Variants in ACACB observed in about 807,000 individuals in gnomAD.
The protein encoded by ACACB is acetyl-CoA carboxylase 2.
Under a neutral mutation model 278.8 loss-of-function variants are expected in ACACB, and 209 were observed. That is an observed-to-expected ratio of 0.75 (90% CI 0.67 to 0.84). The LOEUF is 0.84. ACACB is among the 40% of genes least tolerant of loss of function. The pLI is 0.00. For missense variants in ACACB, 2,850 were observed against 3,269.0 expected, an observed-to-expected ratio of 0.87 and a Z score of 3.13; for synonymous variants, 1,174 against 1,285.6, an observed-to-expected ratio of 0.91 and a Z score of 1.86.
rs1165950402 is a variant in ACACB at position 109,210,135 on chromosome 12, G to GTATATA, written c.3249+784_3249+789dup. Reference sequence around the variant, plus strand: ...TATATATACACGTACATGTATGTGTGTATATATGTATATATACACACGTGT... The same window carrying GTATATA: ...TATATATACACGTACATGTATGTGTGTATATATATATATGTATATATACACACGTGT... On this transcript the variant is annotated intron_variant, in intron 21 of 52. Transcript: ENST00000338432. Among the ~76,000 whole-genome samples, 16 of 65,520 alleles carry GTATATA rather than the reference G, an allele frequency of 2.4e-4. 4 individuals carry two copies. The highest frequency in any genetic ancestry group is 1.4e-3 in the Admixed American group (9 of 6,544). 43.0% of individuals were successfully genotyped at this position (65,520 alleles called of 152,430 possible).
Position 109,266,744 on chromosome 12 carries a change from T to C in ACACB, c.*382T>C, listed in dbSNP as rs529468760. On this transcript the variant is annotated 3_prime_UTR_variant, in exon 53 of 53. Coordinates refer to ENST00000338432, the MANE Select transcript of ACACB (RefSeq NM_001093.4). Reference sequence around the variant, plus strand: ...CGTGAAATCTTTTATTTTTTTACTCTGAGACCAGCACCAGATGTAAGTAAG... The same window carrying C: ...CGTGAAATCTTTTATTTTTTTACTCCGAGACCAGCACCAGATGTAAGTAAG... 6.4e-6 allele frequency: 1 copy of C among 155,498 alleles called. No homozygotes were observed. Among genetic ancestry groups the C allele is most frequent in the African/African-American group, 2.4e-5 (1 of 41,530 alleles). 9.6% of individuals were successfully genotyped at this position (155,498 alleles called of 1,614,324 possible).
At chr12:109,198,612 C>T (rs1260360004) in intron 17 of ACACB, among the ~76,000 whole-genome samples, 1 of 151,890 alleles carries the variant, frequency 6.6e-6, no homozygotes, top group African/African-American at 2.4e-5. Flanking sequence ...GGGAGGATCA[C>T]CTGACCCCAG....
chr12:109,172,703 T>TAA (rs1170004781), intron 6 of ACACB, among the ~76,000 whole-genome samples: 2 of 152,192 alleles, frequency 1.3e-5, no homozygotes, highest in Admixed American at 1.3e-4. Flanking sequence ...AGGGAACGCT[T>TAA]ATGCACTGTT....
intron 12 of ACACB, 88 bp downstream of exon 12, chr12:109,185,828 A>G (rs1368067652): frequency 2.0e-5 from 27 of 1,358,562 alleles, no homozygotes; most frequent in Non-Finnish European, 2.5e-5. Flanking sequence ...AGAGACACCC[A>G]CAAGCTATCC....
In ACACB at chr12:109,237,394, G is replaced by C. The variant is rs776866621; in HGVS notation, c.4662+14G>C. 2 of 1,607,874 alleles carry C rather than the reference G, an allele frequency of 1.2e-6. No homozygotes were observed. Among genetic ancestry groups the C allele is most frequent in the South Asian group, 2.2e-5 (2 of 90,276 alleles). On this transcript the variant is annotated intron_variant, in intron 34 of 52. Transcript: ENST00000338432. ...CTGATCACAAAGGTAAGATGTCGCA[G>C]AGCATTTCTTCCTCTCTCAGAACCT...
At chr12:109,157,081 A>G (rs916600660) in intron 2 of ACACB, among the ~76,000 whole-genome samples, 2 of 152,082 alleles carry the variant, frequency 1.3e-5, no homozygotes, top group South Asian at 4.1e-4. Context: ...CCTATTTATA[A>G]TAATATGGAC....
At chr12:109,236,535 TG>T (rs1390454187) in intron 33 of ACACB, among the ~76,000 whole-genome samples, 1 of 152,142 alleles carries the variant, frequency 6.6e-6, no homozygotes, top group African/African-American at 2.4e-5. Context: ...GTAGCAGAAT[TG>T]AGTAGTTGTG....
chr12:109,139,153 T>C (rs1243687491), intron 1 of ACACB, among the ~76,000 whole-genome samples: 1 of 152,182 alleles, frequency 6.6e-6, no homozygotes, highest in Non-Finnish European at 1.5e-5. Flanking sequence ...TGTGATTGGC[T>C]TCTTTAACTT....
chr12:109,259,954 G>GT, intron 47 of ACACB: 2 of 717,742 alleles, frequency 2.8e-6, no homozygotes, highest in Non-Finnish European at 4.3e-6. Context: ...GTAAAAGGGG[G>GT]TTAAGAACAG....
intron 26 of ACACB, among the ~76,000 whole-genome samples, chr12:109,223,320 G>A (rs528551811): frequency 1.1e-4 from 17 of 152,234 alleles, no homozygotes; most frequent in Non-Finnish European, 1.9e-4. Flanking sequence ...CCCAGGTGCC[G>A]TCATCCCGGA....
Position 109,252,121 on chromosome 12 carries a change from C to T in ACACB, c.5866C>T (p.His1956Tyr), listed in dbSNP as rs768497415. 9.9e-6 allele frequency: 16 copies of T among 1,613,198 alleles called. No homozygotes were observed. The highest frequency in any genetic ancestry group is 1.3e-5 in the African/African-American group (1 of 75,002). Residue 1956 changes from histidine to tyrosine, a missense_variant, in exon 42 of 53, where the codon CAC becomes TAC. By Grantham distance (83) the His-to-Tyr change is moderately conservative (BLOSUM62 2). Transcript: ENST00000338432. The stretch of plus-strand genomic sequence containing the variant: ...GCGAGTGATCCAGGTGGAGAATTCC[C>T]ACATCATCCTCACAGGAGCAAGTGC... ...GQRVIQVENS[H>Y]IILTGASALN...
chr12:109,182,207 C>T (rs1460833168), intron 11 of ACACB, among the ~76,000 whole-genome samples: 1 of 152,166 alleles, frequency 6.6e-6, no homozygotes, highest in Non-Finnish European at 1.5e-5. Flanking sequence ...GACAATGTCT[C>T]ATTGTGGTTT....
intron 47 of ACACB, 130 bp downstream of exon 47, chr12:109,259,238 G>A: frequency 2.5e-6 from 3 of 1,194,982 alleles, no homozygotes; most frequent in Non-Finnish European, 3.5e-6. Flanking sequence ...CAACAACCCT[G>A]AGGAGAAAAT....
At position 109,140,244 on chromosome 12, in the gene ACACB, T is replaced by TCCA. The variant is rs1565857274; in HGVS notation, c.653+186_653+187insCCA. On this transcript the variant is annotated intron_variant, in intron 2 of 52. Transcript: ENST00000338432. ...CTTCCTTCCTTCCTTCCTTCCTTCC[T>TCCA]TCCTTCCTTCCATCCTTCCTTCCTT... Among the ~76,000 whole-genome samples, 115 of 136,716 alleles carry TCCA rather than the reference T, an allele frequency of 8.4e-4. 8 individuals carry two copies. The highest frequency in any genetic ancestry group is 2.8e-3 in the African/African-American group (105 of 37,090). 89.7% of individuals were successfully genotyped at this position (136,716 alleles called of 152,430 possible). A position where few individuals can be genotyped will look rare whatever the true frequency, so the allele number is the denominator to read the frequency against.
At chr12:109,135,505 C>T (rs973723778) in intron 1 of ACACB, among the ~76,000 whole-genome samples, 10 of 151,750 alleles carry the variant, frequency 6.6e-5, no homozygotes, top group African/African-American at 2.4e-4. Flanking sequence ...CTATGATTCA[C>T]GAAAGCTTTT....
chr12:109,243,877 T>TTATA (rs145125502), intron 37 of ACACB, among the ~76,000 whole-genome samples: 7 of 146,926 alleles, frequency 4.8e-5, no homozygotes, highest in Admixed American at 1.4e-4. Flanking sequence ...TGGAATGACA[T>TTATA]TATATATATA....
intron 49 of ACACB, chr12:109,263,199 CAG>C (rs2047429407): frequency 6.6e-6 from 1 of 151,298 alleles, no homozygotes; most frequent in Middle Eastern, 3.2e-3. Flanking sequence ...ATTTTTGAGA[CAG>C]AGTCTTGCTC....
chr12:109,245,767 C>T lies in ACACB; in HGVS notation c.5301+19C>T. 2 of 1,612,594 alleles carry T rather than the reference C, an allele frequency of 1.2e-6. No individual in the cohort carries two copies. The highest frequency in any genetic ancestry group is 1.7e-6 in the Non-Finnish European group (2 of 1,179,486). On this transcript the variant is annotated intron_variant, in intron 38 of 52. Transcript: ENST00000338432. ...AAATGAGGTAATAGCTCAGCGGAGCCTAACCCCTGGCTGGAGTCACCCCCT... is the reference window on the plus strand; with the variant it reads ...AAATGAGGTAATAGCTCAGCGGAGCTTAACCCCTGGCTGGAGTCACCCCCT...
At position 109,128,785 on chromosome 12, in the gene ACACB, C is replaced by CT. The variant is rs1010508894; in HGVS notation, c.-9-10604dup. ...TTTTTTTAAAGCAATAATAGATGGA[C>CT]TTTTTTTTCCCAATTTAATTAATTA... On this transcript the variant is annotated intron_variant, in intron 1 of 52. Transcript: ENST00000338432. Among the ~76,000 whole-genome samples the CT allele has an allele frequency of 2.9e-4, 43 of 148,810 alleles. 2 individuals carry two copies. Among genetic ancestry groups the CT allele is most frequent in the African/African-American group, 2.2e-4 (9 of 40,394 alleles).
Sources: gnomAD v4.1 joint callset for allele counts (sites outside exome capture counted in the v4.1 genomes callset) on GRCh38, gnomAD v4.1.1 for gene constraint, MANE v1.5 for transcripts, NCBI Gene and HGNC (gene_info 2026-07-23, HGNC 2026-07-21) for gene names.